P2RY11: variants seen among roughly 807,000 people sequenced by gnomAD.
The protein encoded by P2RY11 is P2Y purinoceptor 11.
A neutral mutation model predicts 2.4 loss-of-function variants in P2RY11; 3 were observed. The observed-to-expected ratio is 1.22, with a 90% confidence interval of 0.56 to 3.17. The LOEUF (loss-of-function observed/expected upper bound fraction) is 3.17. P2RY11 is among the 30% of genes most tolerant of loss of function. The pLI is 0.03. For synonymous variants in P2RY11, 307 were observed against 237.3 expected, an observed-to-expected ratio of 1.29 and a Z score of -2.70; for missense variants, 670 against 528.2, an observed-to-expected ratio of 1.27 and a Z score of -2.63.
Position 10,113,655 on chromosome 19 carries a change from C to T in P2RY11, c.42C>T (p.Asn14=), listed in dbSNP as rs199821552. Reference sequence around the variant, plus strand: ...CAGGTGCCAAGTCCTGCCCTGCCAACTTCTTGGCAGCTGCCGACGACAAAC... The same window carrying T: ...CAGGTGCCAAGTCCTGCCCTGCCAATTTCTTGGCAGCTGCCGACGACAAAC... The part of the protein sequence containing the change: ...NVSGAKSCPA[N]FLAAADDKLS... The change falls in exon 2 of 2, where the codon AAC becomes AAT. Residue 14 remains asparagine, a synonymous_variant. Transcript: ENST00000321826. 1.1e-5 allele frequency: 18 copies of T among 1,612,336 alleles called. No homozygotes were observed. The East Asian group carries it at 3.1e-4, about 28-fold the overall frequency.
Position 10,113,837 on chromosome 19 carries a change from A to G in P2RY11, c.224A>G (p.Asp75Gly), listed in dbSNP as rs774911763. Residue 75 changes from aspartate to glycine, a missense_variant, in exon 2 of 2, where the codon GAC (aspartate) becomes GGC (glycine). Coordinates refer to ENST00000321826, the MANE Select transcript of P2RY11 (RefSeq NM_002566.5). ...TTCTCTGTCCAGCTGGCAGTCAGCG[A>G]CCTGCTCTGCGCCCTGACGCTGCCC... ...VVFSVQLAVS[D>G]LLCALTLPPL... 1 of 1,613,574 alleles carries G rather than the reference A, an allele frequency of 6.2e-7. No homozygotes were observed. The highest frequency in any genetic ancestry group is 2.2e-5 in the East Asian group (1 of 44,872).
chr19:10,114,712 C>T lies in P2RY11; in HGVS notation c.1099C>T (p.Pro367Ser), dbSNP rs746121765. Reference protein sequence around the residue: ...NATAAPKPSEPQSRELSQ With the variant: ...NATAAPKPSESQSRELSQ ...CACAGCCGCCCCTAAACCGTCAGAGCCCCAGTCCCGTGAGCTGAGCCAATG... is the reference window on the plus strand; with the variant it reads ...CACAGCCGCCCCTAAACCGTCAGAGTCCCAGTCCCGTGAGCTGAGCCAATG... The change falls in exon 2 of 2, where the codon CCC (proline) becomes TCC (serine). Residue 367 changes from proline (P) to serine (S), a missense_variant. Coordinates refer to ENST00000321826, the MANE Select transcript of P2RY11 (RefSeq NM_002566.5). 14 of 1,609,572 alleles carry T rather than the reference C, an allele frequency of 8.7e-6. No individual in the cohort carries two copies. Among genetic ancestry groups the T allele is most frequent in the African/African-American group, 6.7e-5 (5 of 74,876 alleles).
chr19:10,114,346 C>T lies in P2RY11; in HGVS notation c.733C>T (p.Arg245Cys), dbSNP rs368530107. Residue 245 changes from arginine (R) to cysteine (C), a missense_variant, in exon 2 of 2, where the codon CGT becomes TGT. Physicochemically the swap from Arg to Cys is radical, Grantham distance 180. Coordinates refer to ENST00000321826, the MANE Select transcript of P2RY11 (RefSeq NM_002566.5). ...SPGMTVAEKL[R>C]VAALVASGVA... ...AGGCATGACTGTGGCCGAGAAGCTGCGTGTGGCAGCGTTGGTGGCCAGTGG... is the reference window on the plus strand; with the variant it reads ...AGGCATGACTGTGGCCGAGAAGCTGTGTGTGGCAGCGTTGGTGGCCAGTGG... The T allele has an allele frequency of 6.2e-6, 10 of 1,602,472 alleles. No homozygotes were observed. The highest frequency in any genetic ancestry group is 3.3e-5 in the Admixed American group (2 of 59,944).
At position 10,114,972 on chromosome 19, in the gene P2RY11, C is replaced by A; in HGVS notation, c.*234C>A. The A allele has an allele frequency of 6.9e-7, 1 of 1,446,156 alleles. No homozygotes were observed. Among genetic ancestry groups the A allele is most frequent in the Non-Finnish European group, 9.5e-7 (1 of 1,053,320 alleles). 89.6% of individuals were successfully genotyped at this position (1,446,156 alleles called of 1,614,324 possible). ...CGCCCAGAGGAGGGGAGGCACTGGC[C>A]CCCGCCACAGGACTGGAGACGCAAG... On this transcript the variant is annotated 3_prime_UTR_variant, in exon 2 of 2. Coordinates refer to ENST00000321826, the MANE Select transcript of P2RY11 (RefSeq NM_002566.5).
intron 1 of P2RY11, among the ~76,000 whole-genome samples, 167 bp downstream of exon 1, chr19:10,111,907 C>T (rs1390624980): frequency 2.0e-5 from 3 of 151,798 alleles, no homozygotes; most frequent in South Asian, 2.1e-4. Flanking sequence ...GTCAGGGGTT[C>T]GAGACCACCC....
At chr19:10,113,596 G>A (rs376743240) in intron 1 of P2RY11, 37 bp from the exon 2 acceptor site, 30 of 1,582,392 alleles carry the variant, frequency 1.9e-5, no homozygotes, top group Non-Finnish European at 2.5e-5. Flanking sequence ...GCCTTATGGG[G>A]GAATAGGGCT....
Position 10,113,779 on chromosome 19 carries a change from C to T in P2RY11, c.166C>T (p.Arg56Trp), listed in dbSNP as rs144031495. The change falls in exon 2 of 2, where the codon CGG becomes TGG. Residue 56 changes from arginine (R) to tryptophan (W), a missense_variant. By Grantham distance (101) the Arg-to-Trp change is moderately radical. Coordinates refer to ENST00000321826, the MANE Select transcript of P2RY11 (RefSeq NM_002566.5). Reference protein sequence around the residue: ...NGLALYRFSIRKQRPWHPAVV... With the variant: ...NGLALYRFSIWKQRPWHPAVV... Reference sequence around the variant, plus strand: ...CCTGGCCCTGTACCGCTTCAGCATCCGGAAGCAGCGCCCATGGCACCCCGC... The same window carrying T: ...CCTGGCCCTGTACCGCTTCAGCATCTGGAAGCAGCGCCCATGGCACCCCGC... 5.6e-5 allele frequency: 91 copies of T among 1,614,082 alleles called. No homozygotes were observed. The highest frequency in any genetic ancestry group is 2.3e-4 in the Admixed American group (14 of 60,018).
chr19:10,113,626 C>T lies in P2RY11; in HGVS notation c.20-7C>T. ...AGGGCTCAGCTGGTGACACCTTCTG[C>T]CCACAGGTGCCAAGTCCTGCCCTGC... On this transcript the variant is annotated splice_region_variant and splice_polypyrimidine_tract_variant and intron_variant, in intron 1 of 1. Transcript: ENST00000321826. The T allele has an allele frequency of 6.2e-7, 1 of 1,605,374 alleles. No individual in the cohort carries two copies. Among genetic ancestry groups the T allele is most frequent in the African/African-American group, 1.3e-5 (1 of 74,834 alleles).
At position 10,114,900 on chromosome 19, in the gene P2RY11, C is replaced by A; in HGVS notation, c.*162C>A. The A allele has an allele frequency of 7.1e-7, 1 of 1,405,106 alleles. No homozygotes were observed. The highest frequency in any genetic ancestry group is 9.6e-7 in the Non-Finnish European group (1 of 1,045,064). 87.0% of individuals were successfully genotyped at this position (1,405,106 alleles called of 1,614,324 possible). A position where few individuals can be genotyped will look rare whatever the true frequency, so the allele number is the denominator to read the frequency against. ...AGGCAGGAGCAGTCGCCTTTCCCAC[C>A]CACAGCGCTGGCCACAGGGCTCCCT... On this transcript the variant is annotated 3_prime_UTR_variant, in exon 2 of 2. Transcript: ENST00000321826.
Position 10,115,285 on chromosome 19 carries a change from C to T in P2RY11, c.*547C>T, listed in dbSNP as rs1250256659. ...ATGGCCAGTCTCCAGGCCTGGTCCACGGACTGGCAGGGACCCCAGGCACAA... is the reference window on the plus strand; with the variant it reads ...ATGGCCAGTCTCCAGGCCTGGTCCATGGACTGGCAGGGACCCCAGGCACAA... On this transcript the variant is annotated 3_prime_UTR_variant, in exon 2 of 2. Transcript: ENST00000321826. The T allele has an allele frequency of 1.3e-4, 156 of 1,156,112 alleles. No homozygotes were observed. Among genetic ancestry groups the T allele is most frequent in the Non-Finnish European group, 1.8e-4 (146 of 826,052 alleles). The allele number at this position is 1,156,112 out of a possible 1,614,324, so 71.6% of individuals were successfully genotyped here.
In P2RY11 at chr19:10,114,882, AGCAGTC is replaced by A. The variant is rs1410000709; in HGVS notation, c.*147_*152del. 2.8e-6 allele frequency: 4 copies of A among 1,432,516 alleles called. No homozygotes were observed. In the East Asian group the frequency reaches 9.8e-5, roughly 35 times the overall value. 88.7% of individuals were successfully genotyped at this position (1,432,516 alleles called of 1,614,324 possible). A position where few individuals can be genotyped will look rare whatever the true frequency, so the allele number is the denominator to read the frequency against. The stretch of plus-strand genomic sequence containing the variant: ...CAGGCCCAGCTGCAGCCCAGGCAGG[AGCAGTC>A]GCCTTTCCCACCCACAGCGCTGGCC... On this transcript the variant is annotated 3_prime_UTR_variant, in exon 2 of 2. Transcript: ENST00000321826.
Position 10,114,526 on chromosome 19 carries a change from G to A in P2RY11, c.913G>A (p.Val305Met). Residue 305 changes from valine (V) to methionine (M), a missense_variant, in exon 2 of 2, where the codon GTG becomes ATG. Physicochemically the swap from Val to Met is conservative, Grantham distance 21 (BLOSUM62 1). Coordinates refer to ENST00000321826, the MANE Select transcript of P2RY11 (RefSeq NM_002566.5). Reference sequence around the variant, plus strand: ...GCTGGGGCCCTACGTGGGCTACCAGGTGATGCGGGGCCTCATGCCCCTGGC... The same window carrying A: ...GCTGGGGCCCTACGTGGGCTACCAGATGATGCGGGGCCTCATGCCCCTGGC... ...LELGPYVGYQ[V>M]MRGLMPLAFC... is the part of the protein sequence containing the mutation. The A allele has an allele frequency of 6.2e-7, 1 of 1,610,642 alleles. No individual in the cohort carries two copies. The highest frequency in any genetic ancestry group is 8.5e-7 in the Non-Finnish European group (1 of 1,177,796).
In P2RY11 at chr19:10,114,971, C is replaced by T. The variant is rs2089212490; in HGVS notation, c.*233C>T. 7.0e-7 allele frequency: 1 copy of T among 1,433,816 alleles called. No individual in the cohort carries two copies. The highest frequency in any genetic ancestry group is 9.6e-7 in the Non-Finnish European group (1 of 1,042,754). 88.8% of individuals were successfully genotyped at this position (1,433,816 alleles called of 1,614,324 possible). A position where few individuals can be genotyped will look rare whatever the true frequency, so the allele number is the denominator to read the frequency against. On this transcript the variant is annotated 3_prime_UTR_variant, in exon 2 of 2. Transcript: ENST00000321826. ...ACGCCCAGAGGAGGGGAGGCACTGGCCCCCGCCACAGGACTGGAGACGCAA... is the reference window on the plus strand; with the variant it reads ...ACGCCCAGAGGAGGGGAGGCACTGGTCCCCGCCACAGGACTGGAGACGCAA...
chr19:10,112,989 G>A (rs897456384), intron 1 of P2RY11, among the ~76,000 whole-genome samples: 1 of 151,942 alleles, frequency 6.6e-6, no homozygotes, highest in Non-Finnish European at 1.5e-5. Context: ...AAGTCTGCAA[G>A]AGCAGCCAGG....
chr19:10,113,679 A>C lies in P2RY11; in HGVS notation c.66A>C (p.Lys22Asn), dbSNP rs1599319987. 33 of 1,584,800 alleles carry C rather than the reference A, an allele frequency of 2.1e-5. No homozygotes were observed. Among genetic ancestry groups the C allele is most frequent in the East Asian group, 1.6e-4 (7 of 43,116 alleles). Residue 22 changes from lysine (K) to asparagine (N), a missense_variant, in exon 2 of 2, where the codon AAA becomes AAC. Lys to Asn is a moderately conservative substitution (Grantham distance 94). Transcript: ENST00000321826. ...ACTTCTTGGCAGCTGCCGACGACAAACTCAGTGGGTTCCAGGGGGACTTCC... is the reference window on the plus strand; with the variant it reads ...ACTTCTTGGCAGCTGCCGACGACAACCTCAGTGGGTTCCAGGGGGACTTCC... ...PANFLAAADD[K>N]LSGFQGDFLW...
chr19:10,114,444 C>T lies in P2RY11; in HGVS notation c.831C>T (p.Arg277=). ...TGCTCAACGTGGATGCTCGGCGGCG[C>T]TGGAGCACCCGCTGCCCGAGCTTTG... The part of the protein sequence containing the change: ...MRVLNVDARR[R]WSTRCPSFAD... The change falls in exon 2 of 2, where the codon CGC becomes CGT. Residue 277 remains arginine (R), a synonymous_variant. Coordinates refer to ENST00000321826, the MANE Select transcript of P2RY11 (RefSeq NM_002566.5). The T allele has an allele frequency of 1.9e-6, 3 of 1,611,710 alleles. No individual in the cohort carries two copies. In the South Asian group the frequency reaches 3.3e-5, roughly 18 times the overall value.
rs1368321096 is a variant in P2RY11, at chr19:10,113,759, C to T, written c.146C>T (p.Ala49Val). The T allele has an allele frequency of 1.2e-6, 2 of 1,614,064 alleles. No individual in the cohort carries two copies. The highest frequency in any genetic ancestry group is 1.7e-5 in the Admixed American group (1 of 60,000). The change falls in exon 2 of 2, where the codon GCC becomes GTC. Residue 49 changes from alanine (A) to valine (V), a missense_variant. By Grantham distance (64) the Ala-to-Val change is moderately conservative (BLOSUM62 0). Coordinates refer to ENST00000321826, the MANE Select transcript of P2RY11 (RefSeq NM_002566.5). Reference sequence around the variant, plus strand: ...GTGGCCGTGGCCAGCAATGGCCTGGCCCTGTACCGCTTCAGCATCCGGAAG... The same window carrying T: ...GTGGCCGTGGCCAGCAATGGCCTGGTCCTGTACCGCTTCAGCATCCGGAAG... Reference protein sequence around the residue: ...FLVAVASNGLALYRFSIRKQR... With the variant: ...FLVAVASNGLVLYRFSIRKQR...
chr19:10,114,577 A>G lies in P2RY11; in HGVS notation c.964A>G (p.Met322Val), dbSNP rs200231187. ...CTTCTGTGTCCACCCTCTACTCTAC[A>G]TGGCCGCAGTGCCCAGCCTGGGCTG... ...LAFCVHPLLY[M>V]AAVPSLGCCC... Residue 322 changes from methionine (M) to valine (V), a missense_variant, in exon 2 of 2, where the codon ATG (methionine) becomes GTG (valine). Met to Val is a conservative substitution (Grantham distance 21). Transcript: ENST00000321826. 8 of 1,613,736 alleles carry G rather than the reference A, an allele frequency of 5.0e-6. No individual in the cohort carries two copies. The highest frequency in any genetic ancestry group is 2.2e-5 in the East Asian group (1 of 44,878).
At chr19:10,112,869 G>A (rs1372139589) in intron 1 of P2RY11, among the ~76,000 whole-genome samples, 1 of 152,188 alleles carries the variant, frequency 6.6e-6, no homozygotes, top group African/African-American at 2.4e-5. Context: ...TTGAACCCGG[G>A]AGGCAGAGGT....
Sources: gnomAD v4.1 joint callset for allele counts (sites outside exome capture counted in the v4.1 genomes callset) on GRCh38, gnomAD v4.1.1 for gene constraint, MANE v1.5 for transcripts, NCBI Gene and HGNC (gene_info 2026-07-23, HGNC 2026-07-21) for gene names.